DOCK9: variants seen among roughly 807,000 people sequenced by gnomAD.
DOCK9 encodes dedicator of cytokinesis protein 9.
A neutral mutation model predicts 263.3 loss-of-function variants in DOCK9; 89 were observed. That is an observed-to-expected ratio of 0.34 (90% CI 0.28 to 0.40). The LOEUF is 0.40. Among genes scored for constraint, DOCK9 ranks in the 10% least tolerant of loss-of-function variants. DOCK9 has a pLI of 1.00. For missense variants in DOCK9, 2,140 were observed against 2,603.4 expected (o/e 0.82, Z 3.87); for synonymous variants, 976 against 973.1 (o/e 1.00, Z -0.06).
rs1353915091 is a variant in DOCK9, at chr13:98,860,468, G to A, written c.3634C>T (p.Gln1212Ter). 1 of 1,590,966 alleles carries A rather than the reference G, an allele frequency of 6.3e-7. No homozygotes were observed. Reference protein sequence around the residue: ...LPAVNPLVTPQKGSTLDNSLH... With the variant: ...LPAVNPLVTP ...CTGTTGTCCAGGGTGCTTCCCTTCT[G>A]CGGCGTCACCAGCGGATTCACAGCT... is the stretch of plus-strand genomic sequence containing the variant. The change falls in exon 33 of 53, where the codon CAG (glutamine) becomes TAG (stop). Residue 1212 changes from glutamine to a stop codon, truncating the protein, a stop_gained. Transcript: ENST00000682017. LOFTEE classifies it high-confidence loss of function.
chr13:98,991,741 A>G (rs1263950512), intron 1 of DOCK9, among the ~76,000 whole-genome samples: 2 of 151,870 alleles, frequency 1.3e-5, no homozygotes. Context: ...TGGACTAGGC[A>G]ATCCCCAATC....
intron 1 of DOCK9, among the ~76,000 whole-genome samples, chr13:99,047,234 A>G (rs1206575677): frequency 6.6e-6 from 1 of 152,320 alleles, no homozygotes; most frequent in East Asian, 1.9e-4. Flanking sequence ...TTAAAAGTAC[A>G]TATTTTTTAT....
chr13:99,060,093 A>C (rs1424436973), intron 1 of DOCK9, among the ~76,000 whole-genome samples: 1 of 31,730 alleles, frequency 3.2e-5, no homozygotes, highest in Non-Finnish European at 5.2e-5. Context: ...TTTTTTTTTG[A>C]GATGGAGTCT....
chr13:98,869,055 C>A (rs1162437262), intron 27 of DOCK9, among the ~76,000 whole-genome samples: 2 of 152,156 alleles, frequency 1.3e-5, no homozygotes, highest in Non-Finnish European at 2.9e-5. Flanking sequence ...GATGCCTGTA[C>A]CTCTCAGAGA....
At chr13:99,062,284 T>TA (rs2041226743) in intron 1 of DOCK9, among the ~76,000 whole-genome samples, 1 of 152,204 alleles carries the variant, frequency 6.6e-6, no homozygotes, top group African/African-American at 2.4e-5. Flanking sequence ...ATTTTAAACT[T>TA]AAAAATAAAT....
At chr13:99,024,932 C>T (rs564134468) in intron 1 of DOCK9, among the ~76,000 whole-genome samples, 148 of 152,180 alleles carry the variant, frequency 9.7e-4, no homozygotes, top group African/African-American at 3.4e-3. Context: ...TCCATATTTC[C>T]CTGTTTATAG....
Position 98,930,190 on chromosome 13 carries a change from G to C in DOCK9, c.311C>G (p.Ala104Gly), listed in dbSNP as rs747124700. The C allele has an allele frequency of 3.1e-6, 5 of 1,611,328 alleles. No homozygotes were observed. The highest frequency in any genetic ancestry group is 4.2e-6 in the Non-Finnish European group (5 of 1,178,844). Reference sequence around the variant, plus strand: ...TACCTCTGTAACAAACAAGCTCTGTGCTTCCTCTTCCGCCTTCGCAGGCAC... The same window carrying C: ...TACCTCTGTAACAAACAAGCTCTGTCCTTCCTCTTCCGCCTTCGCAGGCAC... ...STVPAKAEEEAQSLFVTECIK... is the reference protein window; with the variant it reads ...STVPAKAEEEGQSLFVTECIK... The change falls in exon 3 of 53, where the codon GCA becomes GGA. Residue 104 changes from alanine (A) to glycine (G), a missense_variant. By Grantham distance (60) the Ala-to-Gly change is moderately conservative (BLOSUM62 0). Transcript: ENST00000682017.
At chr13:98,986,794 GA>G (rs1423316311) in intron 1 of DOCK9, among the ~76,000 whole-genome samples, 17 of 152,102 alleles carry the variant, frequency 1.1e-4, no homozygotes, top group Non-Finnish European at 2.5e-4. Flanking sequence ...CACGTCCTAA[GA>G]AGTCAAACTT....
intron 1 of DOCK9, among the ~76,000 whole-genome samples, chr13:99,048,428 T>C (rs944699227): frequency 3.3e-5 from 5 of 152,216 alleles, no homozygotes; most frequent in African/African-American, 1.2e-4. Context: ...GAATAATGCA[T>C]GCTCTGTGTT....
Position 98,977,871 on chromosome 13 carries a change from G to A in DOCK9, c.39C>T (p.Val13=). 6.2e-7 allele frequency: 1 copy of A among 1,601,948 alleles called. No individual in the cohort carries two copies. The highest frequency in any genetic ancestry group is 8.5e-7 in the Non-Finnish European group (1 of 1,173,650). Residue 13 remains valine, a synonymous_variant, in exon 1 of 53, where the codon GTC becomes GTT. Coordinates refer to ENST00000682017, the MANE Select transcript of DOCK9 (RefSeq NM_001366683.2). ...ADKCRTSSRS[V]KKELVIESPL... ...GGGACTCAATCACCAGTTCCTTTTT[G>A]ACACTTCTACTACTTGTCCTGCATT... is the stretch of plus-strand genomic sequence containing the variant.
chr13:99,049,741 C>T (rs778010716), intron 1 of DOCK9, among the ~76,000 whole-genome samples: 2 of 152,186 alleles, frequency 1.3e-5, no homozygotes, highest in Non-Finnish European at 2.9e-5. Flanking sequence ...TGGTCTTGAA[C>T]TCCTGGACTC....
At chr13:98,852,419 G>C (rs1168565810) in intron 35 of DOCK9, among the ~76,000 whole-genome samples, 2 of 151,966 alleles carry the variant, frequency 1.3e-5, no homozygotes, top group African/African-American at 4.8e-5. Context: ...AAGTCAGGCT[G>C]TACCTTGGCT....
chr13:98,987,909 A>G (rs1258575854), intron 1 of DOCK9, among the ~76,000 whole-genome samples: 1 of 152,190 alleles, frequency 6.6e-6, no homozygotes, highest in Admixed American at 6.5e-5. Context: ...GAGTTGTCCA[A>G]GGCCTGAAAG....
chr13:99,045,753 G>T (rs761893303), intron 1 of DOCK9, among the ~76,000 whole-genome samples: 2 of 151,854 alleles, frequency 1.3e-5, no homozygotes, highest in Non-Finnish European at 2.9e-5. Flanking sequence ...AAAAAGAGAT[G>T]CCTCACCAGC....
intron 2 of DOCK9, among the ~76,000 whole-genome samples, chr13:98,938,819 A>G (rs2055333381): frequency 6.6e-6 from 1 of 152,214 alleles, no homozygotes; most frequent in African/African-American, 2.4e-5. Context: ...ATCATATTTT[A>G]TAAAATTTTA....
Position 98,800,311 on chromosome 13 carries a change from G to C in DOCK9, c.5893C>G (p.Leu1965Val). 2 of 1,607,716 alleles carry C rather than the reference G, an allele frequency of 1.2e-6. No individual in the cohort carries two copies. The highest frequency in any genetic ancestry group is 1.7e-6 in the Non-Finnish European group (2 of 1,177,112). ...ACCTGAACACTCACGCTGCCCTGGA[G>C]TTTGAGCTGCAGTTTGATCATGTCC... Reference protein sequence around the residue: ...EVDMIKLQLKLQGSVSVQVNA... With the variant: ...EVDMIKLQLKVQGSVSVQVNA... Residue 1965 changes from leucine (L) to valine (V), a missense_variant, in exon 50 of 53, where the codon CTC (leucine) becomes GTC (valine). Transcript: ENST00000682017.
chr13:98,816,281 A>T (rs570267840), intron 45 of DOCK9, among the ~76,000 whole-genome samples: 4 of 152,150 alleles, frequency 2.6e-5, no homozygotes, highest in Non-Finnish European at 4.4e-5. Flanking sequence ...TCCTCAGAGG[A>T]GCCAGAACTG....
chr13:98,976,555 C>T (rs2060297196), intron 1 of DOCK9, among the ~76,000 whole-genome samples: 1 of 152,214 alleles, frequency 6.6e-6, no homozygotes, highest in Non-Finnish European at 1.5e-5. Context: ...ACATCAGCTG[C>T]TTTAAGCAGT....
At chr13:98,970,265 C>T (rs1263506669) in intron 1 of DOCK9, among the ~76,000 whole-genome samples, 5 of 152,134 alleles carry the variant, frequency 3.3e-5, no homozygotes, top group African/African-American at 7.2e-5. Flanking sequence ...CACAAAGTAC[C>T]GGGATGACAG....
Sources: allele counts gnomAD v4.1 joint callset (sites outside exome capture counted in the v4.1 genomes callset), GRCh38; gene constraint gnomAD v4.1.1; transcripts MANE v1.5; gene names NCBI Gene and HGNC (gene_info 2026-07-23, HGNC 2026-07-21).